The following C2CD5 variants were observed in gnomAD, a reference collection of about 807,000 sequenced individuals.
C2CD5 encodes the protein C2 calcium dependent domain containing 5, also known as C2 domain-containing protein 5.
Under a neutral mutation model 130.3 loss-of-function variants are expected in C2CD5, and 109 were observed. The observed-to-expected ratio is 0.84, with a 90% CI of 0.72 to 0.98. The LOEUF is 0.98. C2CD5 is among the 50% of genes least tolerant of loss of function. The pLI is 0.00. For missense variants in C2CD5, 996 were observed against 1,261.8 expected (o/e 0.79, Z 3.19); for synonymous variants, 454 against 429.2 (o/e 1.06, Z -0.71).
At chr12:22,510,841 A>G (rs999638982) in intron 9 of C2CD5, among the ~76,000 whole-genome samples, 2 of 152,188 alleles carry the variant, frequency 1.3e-5, no homozygotes, top group African/African-American at 2.4e-5. Context: ...TTATTGAAAA[A>G]CAAATCTGGC....
At chr12:22,517,017 A>C (rs1483543612) in intron 8 of C2CD5, among the ~76,000 whole-genome samples, 1 of 151,952 alleles carries the variant, frequency 6.6e-6, no homozygotes, top group Non-Finnish European at 1.5e-5. Context: ...CTTCATTTAT[A>C]AAAACAGAAA....
intron 8 of C2CD5, among the ~76,000 whole-genome samples, chr12:22,514,488 T>C (rs934011955): frequency 1.3e-5 from 2 of 152,080 alleles, no homozygotes; most frequent in Admixed American, 6.5e-5. Context: ...GTAGTGATAA[T>C]TGAAATATCA....
intron 22 of C2CD5, among the ~76,000 whole-genome samples, chr12:22,466,163 T>C (rs1029960061): frequency 2.6e-5 from 4 of 152,002 alleles, no homozygotes; most frequent in African/African-American, 7.2e-5. Context: ...AGTAAAAAGA[T>C]GGAAATATTA....
intron 26 of C2CD5, among the ~76,000 whole-genome samples, chr12:22,450,617 A>G (rs1212180962): frequency 6.6e-6 from 1 of 152,122 alleles, no homozygotes; most frequent in East Asian, 1.9e-4. Context: ...TATAAAGAAT[A>G]TGCAAAATAT....
chr12:22,478,973 T>G (rs1215979374), intron 14 of C2CD5, among the ~76,000 whole-genome samples: 1 of 152,096 alleles, frequency 6.6e-6, no homozygotes, highest in East Asian at 1.9e-4. Context: ...GTAATAAGCG[T>G]TGGTTTCTTT....
chr12:22,532,620 A>T (rs576503857), intron 3 of C2CD5, among the ~76,000 whole-genome samples: 35 of 152,332 alleles, frequency 2.3e-4, no homozygotes, highest in African/African-American at 8.4e-4. Context: ...CACTAAAAGA[A>T]AGATCACGGT....
chr12:22,449,092 T>C lies in C2CD5; in HGVS notation c.*668A>G, dbSNP rs535356759. The stretch of plus-strand genomic sequence containing the variant: ...AAATGTTGCCAGTTATAAAATTATA[T>C]AATAATCTTTTCCTCCCTCCTTAGA... On this transcript the variant is annotated 3_prime_UTR_variant, in exon 27 of 27. Transcript: ENST00000446597. The C allele has an allele frequency of 6.6e-6, 1 of 152,298 alleles. No individual in the cohort carries two copies. The highest frequency in any genetic ancestry group is 1.9e-4 in the East Asian group (1 of 5,186). The allele number at this position is 152,298 out of a possible 1,614,324, so 9.4% of individuals were successfully genotyped here. A position where few individuals can be genotyped will look rare whatever the true frequency, so the allele number is the denominator to read the frequency against.
chr12:22,453,798 T>C, intron 26 of C2CD5, 98 bp downstream of exon 26: 3 of 1,043,968 alleles, frequency 2.9e-6, no homozygotes, highest in Non-Finnish European at 4.3e-6. Flanking sequence ...CTCAAAGGGC[T>C]CTAAAGAGCA....
chr12:22,483,145 T>A (rs1263200523), intron 13 of C2CD5, among the ~76,000 whole-genome samples: 1 of 152,190 alleles, frequency 6.6e-6, no homozygotes, highest in African/African-American at 2.4e-5. Context: ...GTAGCTCATG[T>A]ACCCTATAAA....
chr12:22,479,543 AG>A (rs1944402468), intron 14 of C2CD5, among the ~76,000 whole-genome samples: 1 of 152,202 alleles, frequency 6.6e-6, no homozygotes, highest in Non-Finnish European at 1.5e-5. Flanking sequence ...CAGAAAGGAC[AG>A]GGAACTTTCT....
chr12:22,525,826 G>T (rs903910320), intron 4 of C2CD5, 121 bp from the exon 5 acceptor site: 3 of 657,608 alleles, frequency 4.6e-6, no homozygotes, highest in Non-Finnish European at 8.1e-6. Flanking sequence ...ACAATTTTTT[G>T]AACTTTACCA....
At chr12:22,453,579 G>A (rs1003358924) in intron 26 of C2CD5, among the ~76,000 whole-genome samples, 3 of 151,992 alleles carry the variant, frequency 2.0e-5, no homozygotes, top group Admixed American at 2.0e-4. Context: ...CAAACTAAAG[G>A]ATATCTTTAG....
In C2CD5 at chr12:22,484,644, C is replaced by T. The variant is rs1337270648; in HGVS notation, c.1550+53G>A. The T allele has an allele frequency of 4.1e-6, 4 of 982,238 alleles. No homozygotes were observed. In the African/African-American group the frequency reaches 5.0e-5, roughly 12 times the overall value. The allele number at this position is 982,238 out of a possible 1,614,324, so 60.8% of individuals were successfully genotyped here. A position where few individuals can be genotyped will look rare whatever the true frequency, so the allele number is the denominator to read the frequency against. On this transcript the variant is annotated intron_variant, in intron 13 of 26. Transcript: ENST00000446597. The stretch of plus-strand genomic sequence containing the variant: ...CTGACACTTAAAAATAGGTTTACGG[C>T]TCCCTATCTCATACTTTTTCAGGGA...
intron 9 of C2CD5, among the ~76,000 whole-genome samples, chr12:22,511,264 T>C (rs528334170): frequency 6.6e-6 from 1 of 151,358 alleles, no homozygotes; most frequent in Non-Finnish European, 1.5e-5. Flanking sequence ...TAAAACATCA[T>C]ATAAGTAGAT....
chr12:22,508,472 C>A (rs1948830068), intron 9 of C2CD5, among the ~76,000 whole-genome samples: 1 of 152,072 alleles, frequency 6.6e-6, no homozygotes, highest in African/African-American at 2.4e-5. Flanking sequence ...TCCTGGAAAT[C>A]TAATAAAAAT....
chr12:22,499,918 T>C (rs1219243661), intron 10 of C2CD5, among the ~76,000 whole-genome samples: 3 of 152,250 alleles, frequency 2.0e-5, no homozygotes, highest in Non-Finnish European at 4.4e-5. Flanking sequence ...CTGGGTGCAG[T>C]GGCTCACGCC....
chr12:22,473,577 G>A (rs778586754), intron 16 of C2CD5, among the ~76,000 whole-genome samples: 25 of 152,070 alleles, frequency 1.6e-4, no homozygotes, highest in Non-Finnish European at 2.8e-4. Flanking sequence ...CATGTTTGAA[G>A]CACTTTGTTC....
intron 25 of C2CD5, among the ~76,000 whole-genome samples, chr12:22,455,711 GTC>G (rs1335891093): frequency 6.6e-6 from 1 of 152,114 alleles, no homozygotes; most frequent in Non-Finnish European, 1.5e-5. Context: ...GAAGGATAGA[GTC>G]TCACTCTGTC....
At position 22,523,518 on chromosome 12, in the gene C2CD5, C is replaced by A. The variant is rs748324722; in HGVS notation, c.708G>T (p.Val236=). The stretch of plus-strand genomic sequence containing the variant: ...GAGTACACGCCGTTCCTATGGCTCG[C>A]ACCACTAACCCAGACTCGCCCTCCA... ...FDLEGESGLV[V]RAIGTACTLD... The change falls in exon 7 of 27, where the codon GTG becomes GTT. Residue 236 remains valine, a synonymous_variant. Transcript: ENST00000446597. 1.2e-6 allele frequency: 2 copies of A among 1,613,882 alleles called. No homozygotes were observed. The highest frequency in any genetic ancestry group is 2.7e-5 in the African/African-American group (2 of 74,888).
Sources: gnomAD v4.1 joint callset for allele counts (sites outside exome capture counted in the v4.1 genomes callset) on GRCh38, gnomAD v4.1.1 for gene constraint, MANE v1.5 for transcripts, NCBI Gene and HGNC (gene_info 2026-07-23, HGNC 2026-07-21) for gene names.